Variants in ANK3 observed in about 807,000 individuals in gnomAD.
ANK3 encodes the protein ankyrin-3.
ANK3 carries 57 observed loss-of-function variants against 370.9 expected under a neutral mutation model. The ratio of observed to expected loss-of-function variants is 0.15; its 90% CI spans 0.12 to 0.19. The LOEUF is 0.19. Ranked by LOEUF, ANK3 falls within the 10% of genes least tolerant of loss-of-function variation. The pLI is 1.00. For missense variants in ANK3, 4,439 were observed against 5,302.1 expected, an observed-to-expected ratio of 0.84 and a Z score of 5.06; for synonymous variants, 1,929 against 1,946.3, an observed-to-expected ratio of 0.99 and a Z score of 0.23.
chr10:60,066,686 T>C (rs1564731576), intron 38 of ANK3, among the ~76,000 whole-genome samples: 1 of 152,138 alleles, frequency 6.6e-6, no homozygotes, highest in African/African-American at 2.4e-5. Context: ...TATTCTCCCA[T>C]TAAATAGAGA....
intron 1 of ANK3, among the ~76,000 whole-genome samples, chr10:60,713,217 T>C (rs1475718634): frequency 6.6e-6 from 1 of 152,160 alleles, no homozygotes; most frequent in Non-Finnish European, 1.5e-5. Flanking sequence ...CCACAAAATA[T>C]ACCTTAACAA....
chr10:60,308,230 A>G (rs1303985546), intron 1 of ANK3, among the ~76,000 whole-genome samples: 3 of 151,962 alleles, frequency 2.0e-5, no homozygotes, highest in African/African-American at 7.3e-5. Context: ...GATAAGACAA[A>G]GGATAAAAGA....
At chr10:60,545,283 C>G (rs2076938171) in intron 2 of ANK3, among the ~76,000 whole-genome samples, 1 of 151,928 alleles carries the variant, frequency 6.6e-6, no homozygotes, top group Non-Finnish European at 1.5e-5. Context: ...AAAAGAGAGA[C>G]TTGAAAACTA....
intron 1 of ANK3, among the ~76,000 whole-genome samples, chr10:60,326,623 A>G (rs543231174): frequency 6.6e-6 from 1 of 152,082 alleles, no homozygotes; most frequent in Admixed American, 6.6e-5. Context: ...TGTTCTCTAA[A>G]TGATCAGCCA....
At chr10:60,295,345 T>C (rs2042267783) in intron 1 of ANK3, among the ~76,000 whole-genome samples, 2 of 152,156 alleles carry the variant, frequency 1.3e-5, no homozygotes, top group African/African-American at 4.8e-5. Context: ...AGCAGTAAAA[T>C]TTAACTCAGA....
At chr10:60,293,002 C>T (rs1427216817) in intron 1 of ANK3, among the ~76,000 whole-genome samples, 2 of 152,206 alleles carry the variant, frequency 1.3e-5, no homozygotes, top group African/African-American at 4.8e-5. Flanking sequence ...AGCCACCAAG[C>T]CCCGCCCAGG....
intron 2 of ANK3, among the ~76,000 whole-genome samples, chr10:60,556,196 T>C (rs766911131): frequency 1.3e-5 from 2 of 152,246 alleles, no homozygotes; most frequent in African/African-American, 4.8e-5. Context: ...TTAACCAATA[T>C]GCAGAACAGA....
intron 1 of ANK3, among the ~76,000 whole-genome samples, chr10:60,326,604 G>A (rs1202963960): frequency 2.6e-5 from 4 of 151,862 alleles, no homozygotes; most frequent in Non-Finnish European, 4.4e-5. Flanking sequence ...TCTGACCATC[G>A]CTGCCACCTG....
intron 25 of ANK3, among the ~76,000 whole-genome samples, chr10:60,121,487 T>C (rs1028533332): frequency 6.6e-6 from 1 of 150,658 alleles, no homozygotes; most frequent in East Asian, 1.9e-4. Flanking sequence ...AGCTCAGGAG[T>C]TTAAGACCAG....
At chr10:60,616,862 C>T (rs573180497) in intron 1 of ANK3, among the ~76,000 whole-genome samples, 3 of 152,264 alleles carry the variant, frequency 2.0e-5, no homozygotes, top group South Asian at 4.1e-4. Flanking sequence ...TATATCTTAG[C>T]ATTTTCATAA....
chr10:60,127,439 A>G (rs2093820039), intron 25 of ANK3, among the ~76,000 whole-genome samples: 1 of 152,204 alleles, frequency 6.6e-6, no homozygotes, highest in African/African-American at 2.4e-5. Context: ...ACCGACATCG[A>G]TAAGTGACTT....
At chr10:60,651,420 G>T (rs2078788037) in intron 1 of ANK3, among the ~76,000 whole-genome samples, 1 of 152,072 alleles carries the variant, frequency 6.6e-6, no homozygotes, top group Admixed American at 6.5e-5. Context: ...CTCACATAAA[G>T]CCCAAAACTT....
chr10:60,153,261 G>C (rs1431027702), intron 23 of ANK3, among the ~76,000 whole-genome samples: 1 of 152,222 alleles, frequency 6.6e-6, no homozygotes, highest in African/African-American at 2.4e-5. Flanking sequence ...TTAAAGGCTT[G>C]TGTGGATGCT....
intron 32 of ANK3, 110 bp from the exon 33 acceptor site, chr10:60,083,727 T>C: frequency 1.1e-6 from 1 of 900,162 alleles, no homozygotes; most frequent in South Asian, 1.8e-5. Flanking sequence ...TACACGTGTC[T>C]CTATTAGGCA....
chr10:60,280,166 T>C (rs2098140482), intron 1 of ANK3, among the ~76,000 whole-genome samples: 1 of 152,160 alleles, frequency 6.6e-6, no homozygotes, highest in Non-Finnish European at 1.5e-5. Context: ...CGGGCTCAAG[T>C]GATCCTCAGC....
chr10:60,649,020 C>T (rs1001771142), intron 1 of ANK3, among the ~76,000 whole-genome samples: 7 of 152,108 alleles, frequency 4.6e-5, no homozygotes, highest in African/African-American at 1.7e-4. Flanking sequence ...TGGTTCCATG[C>T]ATCAGCGAGT....
intron 1 of ANK3, among the ~76,000 whole-genome samples, chr10:60,649,144 C>G (rs569085725): frequency 6.6e-6 from 1 of 152,224 alleles, no homozygotes; most frequent in East Asian, 1.9e-4. Flanking sequence ...ACATAGCTTC[C>G]CAGTTACTAA....
In ANK3 at chr10:60,028,849, G is replaced by C. The variant is rs543755040; in HGVS notation, c.*997C>G. 6.8e-6 allele frequency: 1 copy of C among 146,438 alleles called. No homozygotes were observed. Among genetic ancestry groups the C allele is most frequent in the African/African-American group, 2.6e-5 (1 of 38,932 alleles). 9.1% of individuals were successfully genotyped at this position (146,438 alleles called of 1,614,324 possible). Reference sequence around the variant, plus strand: ...CCCCCCACCCCCTAAAGCAACTACCGTATAGGTTATTTTTTTTTGTTGTTT... The same window carrying C: ...CCCCCCACCCCCTAAAGCAACTACCCTATAGGTTATTTTTTTTTGTTGTTT... On this transcript the variant is annotated 3_prime_UTR_variant, in exon 44 of 44. Transcript: ENST00000280772.
rs55650401 is a variant in ANK3 at position 60,688,956 on chromosome 10, G to GA, written c.57+44306dup. On this transcript the variant is annotated intron_variant, in intron 1 of 43. Coordinates refer to the ANK3 transcript ENST00000373827. ...GAGTGAGACTCCGTTTCAAAAAAAAGAAAAAAAAAAAAAAGATAAAATCAG... is the reference window on the plus strand; with the variant it reads ...GAGTGAGACTCCGTTTCAAAAAAAAGAAAAAAAAAAAAAAAGATAAAATCAG... Among the ~76,000 whole-genome samples the GA allele has an allele frequency of 3.6e-3, 451 of 125,220 alleles. 2 individuals carry two copies. Among genetic ancestry groups the GA allele is most frequent in the African/African-American group, 0.012 (373 of 30,708 alleles). 82.1% of individuals were successfully genotyped at this position (125,220 alleles called of 152,430 possible).
Sources: allele counts gnomAD v4.1 joint callset (sites outside exome capture counted in the v4.1 genomes callset), GRCh38; gene constraint gnomAD v4.1.1; transcripts MANE v1.5; gene names NCBI Gene and HGNC (gene_info 2026-07-23, HGNC 2026-07-21).